TMC1: variants seen among roughly 807,000 people sequenced by gnomAD.
The protein encoded by TMC1 is transmembrane channel-like protein 1.
TMC1 carries 84 observed loss-of-function variants against 105.8 expected under a neutral mutation model. That is an observed-to-expected ratio of 0.79 (90% confidence interval 0.67 to 0.95). The LOEUF (loss-of-function observed/expected upper bound fraction) is 0.95. Ranked by LOEUF, TMC1 falls within the 40% of genes least tolerant of loss-of-function variation. The pLI, the probability that TMC1 is intolerant of heterozygous loss-of-function variation, is 0.00. For missense variants in TMC1, 817 were observed against 914.1 expected (o/e 0.89, Z 1.37); for synonymous variants, 315 against 311.5 (o/e 1.01, Z -0.12).
At chr9:72,725,295 T>C (rs1456333720) in intron 8 of TMC1, among the ~76,000 whole-genome samples, 2 of 138,918 alleles carry the variant, frequency 1.4e-5, no homozygotes, top group African/African-American at 5.2e-5. Flanking sequence ...ACTCATAGGA[T>C]ACCCCCACAC....
In TMC1 at chr9:72,563,202, G is replaced by T. The variant is rs74939587; in HGVS notation, c.-427-14700G>T. 4.1e-4 allele frequency among the ~76,000 whole-genome samples: 63 copies of T among 152,274 alleles called. 1 individual carries two copies. The East Asian group carries it at 0.012, about 28-fold the overall frequency. On this transcript the variant is annotated intron_variant, in intron 1 of 23. Transcript: ENST00000297784. Reference sequence around the variant, plus strand: ...TGTGGTTTTGGTGGTGGATGGAGATGCAGGAAGATTAGGAAGTAGATTGAG... The same window carrying T: ...TGTGGTTTTGGTGGTGGATGGAGATTCAGGAAGATTAGGAAGTAGATTGAG...
At chr9:72,625,748 A>C (rs1303540571) in intron 3 of TMC1, among the ~76,000 whole-genome samples, 1 of 151,804 alleles carries the variant, frequency 6.6e-6, no homozygotes, top group Middle Eastern at 3.2e-3. Flanking sequence ...GAATGCTCTC[A>C]GAAAATGGGA....
chr9:72,628,458 C>A (rs763331378), intron 4 of TMC1: 1 of 174,796 alleles, frequency 5.7e-6, no homozygotes, highest in Non-Finnish European at 1.2e-5. Flanking sequence ...ACAGAAGAAG[C>A]CACGTTTCGG....
At chr9:72,645,031 G>A (rs1271914528) in intron 4 of TMC1, among the ~76,000 whole-genome samples, 1 of 152,164 alleles carries the variant, frequency 6.6e-6, no homozygotes, top group African/African-American at 2.4e-5. Context: ...TGGGGAAAAT[G>A]TCACATTATC....
chr9:72,806,448 C>T (rs1326821490), intron 18 of TMC1, among the ~76,000 whole-genome samples: 1 of 151,336 alleles, frequency 6.6e-6, no homozygotes, highest in Non-Finnish European at 1.5e-5. Flanking sequence ...GGCGGAGACG[C>T]TCCTCAGTTC....
intron 5 of TMC1, among the ~76,000 whole-genome samples, chr9:72,663,284 C>A (rs1187893666): frequency 6.6e-6 from 1 of 151,936 alleles, no homozygotes; most frequent in African/African-American, 2.4e-5. Flanking sequence ...GTTGGTGGGT[C>A]CAGGTGGGGC....
chr9:72,740,702 AT>A (rs1320594514), intron 9 of TMC1, among the ~76,000 whole-genome samples: 1 of 152,228 alleles, frequency 6.6e-6, no homozygotes, highest in Non-Finnish European at 1.5e-5. Context: ...CAAGCACTGA[AT>A]TGAATTCTTT....
intron 13 of TMC1, among the ~76,000 whole-genome samples, chr9:72,782,437 A>G (rs1828108467): frequency 6.6e-6 from 1 of 152,312 alleles, no homozygotes; most frequent in Admixed American, 6.5e-5. Flanking sequence ...CTTATTCAAC[A>G]TAGTACGGGA....
At chr9:72,654,282 T>A (rs1825853637) in intron 5 of TMC1, among the ~76,000 whole-genome samples, 1 of 152,188 alleles carries the variant, frequency 6.6e-6, no homozygotes, top group Non-Finnish European at 1.5e-5. Context: ...GAATTAAGAG[T>A]GAATCTTTTA....
At chr9:72,642,060 G>A (rs780316904) in intron 4 of TMC1, among the ~76,000 whole-genome samples, 48 of 151,726 alleles carry the variant, frequency 3.2e-4, no homozygotes, top group Admixed American at 1.2e-3. Context: ...CTCATGATCC[G>A]CCTGCCTTGG....
intron 5 of TMC1, chr9:72,656,231 G>A: frequency 2.1e-6 from 1 of 481,202 alleles, no homozygotes; most frequent in East Asian, 4.8e-5. Context: ...GTTCCGGCAA[G>A]AGTGAACAGT....
At chr9:72,538,379 T>G (rs922295741) in intron 1 of TMC1, among the ~76,000 whole-genome samples, 1 of 138,530 alleles carries the variant, frequency 7.2e-6, no homozygotes, top group Non-Finnish European at 1.6e-5. Context: ...AATAAATATA[T>G]TTTGGGATAA....
chr9:72,804,107 T>C (rs1018321203), intron 17 of TMC1, among the ~76,000 whole-genome samples: 2 of 152,276 alleles, frequency 1.3e-5, no homozygotes, highest in Admixed American at 1.3e-4. Context: ...CTGAAAGCCA[T>C]TATCCTCAGC....
chr9:72,576,631 TTC>T (rs1491070908), intron 1 of TMC1, among the ~76,000 whole-genome samples: 4 of 130,294 alleles, frequency 3.1e-5, no homozygotes, highest in Non-Finnish European at 3.1e-5. Context: ...TTTTTTTTTT[TTC>T]TTTTTTTTTT....
At chr9:72,531,377 A>G (rs1823495888) in intron 1 of TMC1, among the ~76,000 whole-genome samples, 1 of 152,212 alleles carries the variant, frequency 6.6e-6, no homozygotes, top group Non-Finnish European at 1.5e-5. Flanking sequence ...AATATGTACA[A>G]ATCATATGAA....
At chr9:72,559,302 GC>G (rs1253985106) in intron 1 of TMC1, among the ~76,000 whole-genome samples, 1 of 152,046 alleles carries the variant, frequency 6.6e-6, no homozygotes, top group East Asian at 1.9e-4. Flanking sequence ...CACCATGTTG[GC>G]CAGGTTGGTC....
At chr9:72,558,838 G>A (rs1457140297) in intron 1 of TMC1, among the ~76,000 whole-genome samples, 1 of 151,952 alleles carries the variant, frequency 6.6e-6, no homozygotes, top group Non-Finnish European at 1.5e-5. Flanking sequence ...AACTTTTCTG[G>A]TACTACTCTG....
chr9:72,599,558 T>A (rs533891066), intron 2 of TMC1, among the ~76,000 whole-genome samples: 17 of 152,230 alleles, frequency 1.1e-4, no homozygotes, highest in African/African-American at 3.4e-4. Context: ...TATCACAGAT[T>A]TTCATATCTC....
chr9:72,604,372 C>G (rs1029493745), intron 2 of TMC1, among the ~76,000 whole-genome samples: 3 of 152,142 alleles, frequency 2.0e-5, no homozygotes, highest in African/African-American at 7.2e-5. Flanking sequence ...GATTATATTT[C>G]TATGCCCTTG....
Sources: allele counts gnomAD v4.1 joint callset (sites outside exome capture counted in the v4.1 genomes callset), GRCh38; gene constraint gnomAD v4.1.1; transcripts MANE v1.5; gene names NCBI Gene and HGNC (gene_info 2026-07-23, HGNC 2026-07-21).